Variants in GPM6B observed in about 807,000 individuals in gnomAD.
GPM6B encodes the protein glycoprotein M6B.
A neutral mutation model predicts 27.2 loss-of-function variants in GPM6B; 4 were observed. That is an observed-to-expected ratio of 0.15 (90% CI 0.07 to 0.34). The LOEUF (loss-of-function observed/expected upper bound fraction) is 0.34, where lower values mean the gene tolerates loss of function less well. GPM6B is among the 10% of genes least tolerant of loss of function. The pLI is 1.00. For missense variants in GPM6B, 183 were observed against 261.9 expected (o/e 0.70, Z 2.08); for synonymous variants, 124 against 103.1 (o/e 1.20, Z -1.23).
intron 1 of GPM6B, among the ~76,000 whole-genome samples, chrX:13,875,924 T>C (rs2050028928): frequency 8.9e-6 from 1 of 112,006 alleles, no homozygotes. Flanking sequence ...ATGACAAAAA[T>C]GTCCTAGAAC....
intron 3 of GPM6B, 125 bp downstream of exon 3, chrX:13,785,497 A>T (rs1315132501): frequency 3.3e-6 from 2 of 609,069 alleles, no homozygotes; most frequent in Non-Finnish European, 5.2e-6. Context: ...CATGTTGGCC[A>T]GGCTGGTCTT....
At chrX:13,814,694 G>A (rs1157577195) in intron 1 of GPM6B, among the ~76,000 whole-genome samples, 1 of 111,820 alleles carries the variant, frequency 8.9e-6, no homozygotes, top group Non-Finnish European at 1.9e-5. Context: ...TGTCTTGTGT[G>A]GGCTTTGATT....
At chrX:13,874,944 C>CG (rs1386174323) in intron 1 of GPM6B, among the ~76,000 whole-genome samples, 2 of 102,871 alleles carry the variant, frequency 1.9e-5, no homozygotes, top group Non-Finnish European at 3.9e-5. Context: ...CAATCCCCCC[C>CG]CCACCCCCGC....
chrX:13,892,830 G>A (rs1020451365), intron 1 of GPM6B, among the ~76,000 whole-genome samples: 1 of 111,989 alleles, frequency 8.9e-6, no homozygotes, highest in African/African-American at 3.2e-5. Context: ...CGAGGCAGGA[G>A]TACTGAGGTC....
At chrX:13,780,265 C>A (rs150982377) in intron 4 of GPM6B, among the ~76,000 whole-genome samples, 5 of 111,212 alleles carry the variant, frequency 4.5e-5, no homozygotes, top group African/African-American at 6.6e-5. Flanking sequence ...GACAGGAGAC[C>A]CCAAGAGGTG....
intron 1 of GPM6B, among the ~76,000 whole-genome samples, chrX:13,900,337 C>T (rs771541206): frequency 1.9e-4 from 21 of 111,616 alleles, no homozygotes; most frequent in Non-Finnish European, 3.8e-4. Flanking sequence ...TGTGTCACTT[C>T]GCCTAGAAAA....
chrX:13,772,981 G>A lies in GPM6B; in HGVS notation c.887C>T (p.Ala296Val). The A allele has an allele frequency of 2.5e-6, 3 of 1,208,987 alleles. No individual in the cohort carries two copies. The highest frequency in any genetic ancestry group is 3.4e-6 in the Non-Finnish European group (3 of 893,216). The change falls in exon 8 of 8, where the codon GCG becomes GTG. Residue 296 changes from alanine (A) to valine (V), a missense_variant. Physicochemically the swap from Ala to Val is moderately conservative, Grantham distance 64. Transcript: ENST00000316715. ...LSSNWAYLKD[A>V]SKMQAYQDIK... ...ATCCTGGTAAGCCTGCATTTTGCTC[G>A]CATCCTTTAAGTAAGCCCAGTTAGA...
intron 1 of GPM6B, among the ~76,000 whole-genome samples, chrX:13,890,638 C>G (rs775292387): frequency 9.0e-6 from 1 of 111,104 alleles, no homozygotes; most frequent in East Asian, 2.8e-4. Context: ...ACTTGGGGCC[C>G]TTTCATTCTT....
At chrX:13,852,237 T>G (rs918830033) in intron 1 of GPM6B, among the ~76,000 whole-genome samples, 4 of 111,604 alleles carry the variant, frequency 3.6e-5, no homozygotes, top group Non-Finnish European at 7.5e-5. Context: ...GTTCCAAGAT[T>G]TTTTTATTTA....
At chrX:13,802,298 C>G (rs921577710) in intron 2 of GPM6B, among the ~76,000 whole-genome samples, 1 of 110,209 alleles carries the variant, frequency 9.1e-6, no homozygotes, top group African/African-American at 3.3e-5. Flanking sequence ...ACAGAAAGCC[C>G]GAGATCAACA....
Position 13,834,154 on chromosome X carries a change from T to C in GPM6B, c.-197-48346A>G, listed in dbSNP as rs951704096. Among the ~76,000 whole-genome samples the C allele has an allele frequency of 4.9e-4, 55 of 112,810 alleles. 1 individual carries two copies. Among genetic ancestry groups the C allele is most frequent in the African/African-American group, 1.7e-3 (53 of 31,060 alleles). ...TTAAAACCATCCAGCTCATCTTTCCTTTTCCAGTCTGTAATCAGGATGGAT... is the reference window on the plus strand; with the variant it reads ...TTAAAACCATCCAGCTCATCTTTCCCTTTCCAGTCTGTAATCAGGATGGAT... On this transcript the variant is annotated intron_variant, in intron 1 of 6. Transcript: ENST00000398361.
chrX:13,910,268 T>C (rs2050367075), intron 1 of GPM6B, among the ~76,000 whole-genome samples: 2 of 112,208 alleles, frequency 1.8e-5, no homozygotes, highest in Admixed American at 1.9e-4. Flanking sequence ...CTTTTAAAAA[T>C]CCCCAAGCCC....
chrX:13,812,210 C>T (rs1374295035), intron 1 of GPM6B, among the ~76,000 whole-genome samples: 2 of 109,001 alleles, frequency 1.8e-5, no homozygotes, highest in Non-Finnish European at 3.8e-5. Flanking sequence ...CCACCACGCC[C>T]GGCTAATTTT....
chrX:13,848,420 A>G (rs1254601630), intron 1 of GPM6B, among the ~76,000 whole-genome samples: 3 of 111,973 alleles, frequency 2.7e-5, no homozygotes, highest in African/African-American at 9.8e-5. Context: ...AGGTCAAAGA[A>G]TTTATTTAGA....
intron 1 of GPM6B, among the ~76,000 whole-genome samples, chrX:13,909,505 G>T (rs762725084): frequency 9.0e-6 from 1 of 110,913 alleles, no homozygotes; most frequent in Non-Finnish European, 1.9e-5. Context: ...AATTTATGTC[G>T]TTGCTGATGC....
At chrX:13,806,586 G>A (rs771704437) in intron 2 of GPM6B, among the ~76,000 whole-genome samples, 5 of 111,641 alleles carry the variant, frequency 4.5e-5, no homozygotes, top group African/African-American at 1.3e-4. Context: ...TAAATCCAAC[G>A]TCAGATTTCA....
At chrX:13,832,226 C>T (rs1308192565) in intron 1 of GPM6B, among the ~76,000 whole-genome samples, 1 of 111,496 alleles carries the variant, frequency 9.0e-6, no homozygotes, top group Admixed American at 9.6e-5. Flanking sequence ...CATGAAGCTA[C>T]CTACTCAAAT....
intron 1 of GPM6B, among the ~76,000 whole-genome samples, chrX:13,887,640 C>T (rs1284294948): frequency 2.7e-5 from 3 of 111,772 alleles, no homozygotes; most frequent in Non-Finnish European, 5.6e-5. Context: ...AACATACAAC[C>T]TCTCCCCTCT....
intron 1 of GPM6B, among the ~76,000 whole-genome samples, chrX:13,874,085 A>G (rs1245394151): frequency 1.8e-5 from 2 of 112,006 alleles, no homozygotes; most frequent in Non-Finnish European, 3.8e-5. Flanking sequence ...ATATATTAAC[A>G]CTTTTTATTC....
Sources: allele counts gnomAD v4.1 joint callset (sites outside exome capture counted in the v4.1 genomes callset), GRCh38; gene constraint gnomAD v4.1.1; transcripts MANE v1.5; gene names NCBI Gene and HGNC (gene_info 2026-07-23, HGNC 2026-07-21).